The following SHISAL2B variants were observed in gnomAD, a reference collection of about 807,000 sequenced individuals.
The protein encoded by SHISAL2B is shisa like 2B.
Under a neutral mutation model 16.5 loss-of-function variants are expected in SHISAL2B, and 12 were observed. The ratio of observed to expected loss-of-function variants is 0.73; its 90% CI spans 0.47 to 1.18. SHISAL2B has a LOEUF of 1.18. Ranked by LOEUF, SHISAL2B falls within the 50% of genes most tolerant of loss-of-function variation. SHISAL2B has a pLI of 0.00. For synonymous variants in SHISAL2B, 72 were observed against 75.0 expected (o/e 0.96, Z 0.21); for missense variants, 183 against 193.6 (o/e 0.95, Z 0.33).
At chr5:64,695,744 TAAC>T in intron 2 of SHISAL2B, 80 bp downstream of exon 2, 1 of 1,047,678 alleles carries the variant, frequency 9.5e-7, no homozygotes, top group Non-Finnish European at 1.3e-6. Flanking sequence ...ATAATACTGT[TAAC>T]AATGAATGCT....
intron 2 of SHISAL2B, among the ~76,000 whole-genome samples, chr5:64,717,106 C>T (rs1224877006): frequency 6.6e-6 from 1 of 151,988 alleles, no homozygotes; most frequent in African/African-American, 2.4e-5. Flanking sequence ...GGTGAAGTAG[C>T]AGGGAGTAAA....
At chr5:64,695,954 C>A (rs1355879071) in intron 2 of SHISAL2B, among the ~76,000 whole-genome samples, 1 of 152,080 alleles carries the variant, frequency 6.6e-6, no homozygotes, top group African/African-American at 2.4e-5. Context: ...AAAGTTTATC[C>A]TCTTGAAATT....
At chr5:64,704,375 T>C (rs1741848485) in intron 2 of SHISAL2B, among the ~76,000 whole-genome samples, 1 of 152,218 alleles carries the variant, frequency 6.6e-6, no homozygotes, top group African/African-American at 2.4e-5. Flanking sequence ...TGAGGATAGG[T>C]AGAAAGATTT....
intron 2 of SHISAL2B, among the ~76,000 whole-genome samples, chr5:64,696,880 G>A (rs1209691185): frequency 3.3e-5 from 5 of 152,056 alleles, no homozygotes; most frequent in Admixed American, 6.6e-5. Context: ...GATCTTTGTT[G>A]GCTTCAGAAG....
chr5:64,705,632 A>G (rs2112065977), intron 2 of SHISAL2B, among the ~76,000 whole-genome samples: 1 of 152,336 alleles, frequency 6.6e-6, no homozygotes, highest in South Asian at 2.1e-4. Flanking sequence ...AAGAGTAAAA[A>G]TAATATTAAA....
Position 64,695,678 on chromosome 5 carries a change from A to G in SHISAL2B, c.349+14A>G. Reference sequence around the variant, plus strand: ...CCACTCAAGAAGGTAATCAGTATCTATTATTTGTTACCAATTACCTGAACT... The same window carrying G: ...CCACTCAAGAAGGTAATCAGTATCTGTTATTTGTTACCAATTACCTGAACT... On this transcript the variant is annotated intron_variant, in intron 2 of 2. Transcript: ENST00000389074. 2 of 1,499,012 alleles carry G rather than the reference A, an allele frequency of 1.3e-6. No individual in the cohort carries two copies. The highest frequency in any genetic ancestry group is 1.8e-6 in the Non-Finnish European group (2 of 1,125,328). The allele number at this position is 1,499,012 out of a possible 1,614,324, so 92.9% of individuals were successfully genotyped here. A position where few individuals can be genotyped will look rare whatever the true frequency, so the allele number is the denominator to read the frequency against.
At chr5:64,692,075 C>A (rs147276061) in intron 1 of SHISAL2B, among the ~76,000 whole-genome samples, 3 of 152,220 alleles carry the variant, frequency 2.0e-5, no homozygotes, top group African/African-American at 7.2e-5. Flanking sequence ...TGGACAGGGG[C>A]AAAATGTCAG....
At chr5:64,701,639 T>C (rs963192775) in intron 2 of SHISAL2B, among the ~76,000 whole-genome samples, 8 of 152,160 alleles carry the variant, frequency 5.3e-5, no homozygotes, top group African/African-American at 1.9e-4. Context: ...AATAAAATAA[T>C]ACAGTTGTAT....
intron 2 of SHISAL2B, among the ~76,000 whole-genome samples, chr5:64,707,372 G>C (rs1204378774): frequency 1.3e-5 from 2 of 152,102 alleles, no homozygotes; most frequent in African/African-American, 4.8e-5. Context: ...GGGCCTGTTA[G>C]AATGTGACAT....
At chr5:64,700,693 A>T (rs1741797110) in intron 2 of SHISAL2B, among the ~76,000 whole-genome samples, 1 of 152,254 alleles carries the variant, frequency 6.6e-6, no homozygotes, top group East Asian at 1.9e-4. Context: ...GATTATAGGC[A>T]TGAGCCACTG....
At chr5:64,713,032 C>T (rs933032010) in intron 2 of SHISAL2B, among the ~76,000 whole-genome samples, 3 of 151,660 alleles carry the variant, frequency 2.0e-5, no homozygotes, top group Admixed American at 6.6e-5. Context: ...GAATTTAGTC[C>T]ATTTACATTT....
chr5:64,715,991 T>G (rs1168136215), intron 2 of SHISAL2B, among the ~76,000 whole-genome samples: 2 of 152,188 alleles, frequency 1.3e-5, no homozygotes, highest in Non-Finnish European at 2.9e-5. Context: ...GGTAGGAACA[T>G]TTGACACTTT....
rs532404111 is a variant in SHISAL2B, at chr5:64,699,955, C to T, written c.349+4291C>T. Among the ~76,000 whole-genome samples the T allele has an allele frequency of 3.9e-5, 6 of 152,304 alleles. No homozygotes were observed. In the South Asian group the frequency reaches 1.2e-3, roughly 32 times the overall value. On this transcript the variant is annotated intron_variant, in intron 2 of 2. Coordinates refer to ENST00000389074, the MANE Select transcript of SHISAL2B (RefSeq NM_001164442.2). ...GACTACCCCTAGGGCTCATTCTGTA[C>T]AGAGGACCTATTGCTAAAGCAATTG...
chr5:64,709,063 T>A (rs1741913933), intron 2 of SHISAL2B, among the ~76,000 whole-genome samples: 1 of 151,182 alleles, frequency 6.6e-6, no homozygotes, highest in Non-Finnish European at 1.5e-5. Flanking sequence ...ATACTTTAAG[T>A]TTTAGGGTAC....
chr5:64,702,480 G>A (rs551480496), intron 2 of SHISAL2B, among the ~76,000 whole-genome samples: 15 of 152,126 alleles, frequency 9.9e-5, no homozygotes, highest in African/African-American at 2.9e-4. Flanking sequence ...GATTACAGGC[G>A]TGAGCCACCG....
chr5:64,702,568 C>G (rs890091051), intron 2 of SHISAL2B, among the ~76,000 whole-genome samples: 1 of 151,666 alleles, frequency 6.6e-6, no homozygotes. Flanking sequence ...TTATAGTTAC[C>G]TATGGTTATC....
rs6864894 is a variant in SHISAL2B, at chr5:64,697,114, A to G, written c.349+1450A>G. ...TCTCTTTATTTCTCAGCCAGCTGAC[A>G]CTTAGGGAAAATAGAAAGAACCTAT... On this transcript the variant is annotated intron_variant, in intron 2 of 2. Transcript: ENST00000389074. Among the ~76,000 whole-genome samples the G allele has an allele frequency of 6.8e-3, 1,035 of 152,322 alleles. 10 individuals are homozygous for G. Among genetic ancestry groups the G allele is most frequent in the African/African-American group, 0.024 (1,011 of 41,580 alleles).
rs1198190580 is a variant in SHISAL2B at position 64,712,592 on chromosome 5, C to T, written c.350-5297C>T. On this transcript the variant is annotated intron_variant, in intron 2 of 2. Coordinates refer to ENST00000389074, the MANE Select transcript of SHISAL2B (RefSeq NM_001164442.2). Reference sequence around the variant, plus strand: ...GAGCTGAGTTCAATTCCTGGGTATCCTTGTTGACTTTCTGTCTCGTTGATC... The same window carrying T: ...GAGCTGAGTTCAATTCCTGGGTATCTTTGTTGACTTTCTGTCTCGTTGATC... Among the ~76,000 whole-genome samples, 5 of 150,622 alleles carry T rather than the reference C, an allele frequency of 3.3e-5. No homozygotes were observed. The East Asian group carries it at 9.8e-4, about 30-fold the overall frequency.
At position 64,695,489 on chromosome 5, in the gene SHISAL2B, T is replaced by G; in HGVS notation, c.192-18T>G. On this transcript the variant is annotated intron_variant, in intron 1 of 2. Transcript: ENST00000389074. ...GAACCACTTTGTGTGACACATATTT[T>G]TTTTCTGTTTTCCTCAGCATTGGTG... The G allele has an allele frequency of 6.6e-7, 1 of 1,516,448 alleles. No individual in the cohort carries two copies. 93.9% of individuals were successfully genotyped at this position (1,516,448 alleles called of 1,614,324 possible).
Sources: allele counts gnomAD v4.1 joint callset (sites outside exome capture counted in the v4.1 genomes callset), GRCh38; gene constraint gnomAD v4.1.1; transcripts MANE v1.5; gene names NCBI Gene and HGNC (gene_info 2026-07-23, HGNC 2026-07-21).